The following SLC34A3 variants were observed in gnomAD, a reference collection of about 807,000 sequenced individuals.
The protein encoded by SLC34A3 is sodium-dependent phosphate transport protein 2C.
Under a neutral mutation model 43.9 loss-of-function variants are expected in SLC34A3, and 60 were observed. That is an observed-to-expected ratio of 1.37 (90% CI 1.11 to 1.70). The LOEUF (loss-of-function observed/expected upper bound fraction) is 1.70, where lower values mean the gene tolerates loss of function less well. Ranked by LOEUF, SLC34A3 falls within the 40% of genes most tolerant of loss-of-function variation. SLC34A3 has a pLI of 0.00. For missense variants in SLC34A3, 969 were observed against 823.8 expected (o/e 1.18, Z -2.16); for synonymous variants, 451 against 386.2 (o/e 1.17, Z -1.97).
At position 137,232,271 on chromosome 9, in the gene SLC34A3, C is replaced by T. The variant is rs906687411; in HGVS notation, c.175+110C>T. On this transcript the variant is annotated intron_variant, in intron 3 of 12. Transcript: ENST00000673835. The stretch of plus-strand genomic sequence containing the variant: ...CCAAACAGGCTGTGTGTGGGGAACT[C>T]CGCCATGCAGGCCCCCTCTGGGGAG... 16 of 1,097,588 alleles carry T rather than the reference C, an allele frequency of 1.5e-5. No homozygotes were observed. The East Asian group carries it at 3.8e-4, about 26-fold the overall frequency. 68.0% of individuals were successfully genotyped at this position (1,097,588 alleles called of 1,614,324 possible). A position where few individuals can be genotyped will look rare whatever the true frequency, so the allele number is the denominator to read the frequency against.
chr9:137,233,877 C>T lies in SLC34A3; in HGVS notation c.861C>T (p.Ser287=). 6.2e-7 allele frequency: 1 copy of T among 1,607,866 alleles called. No homozygotes were observed. Among genetic ancestry groups the T allele is most frequent in the Non-Finnish European group, 8.5e-7 (1 of 1,178,504 alleles). The change falls in exon 9 of 13, where the codon AGC becomes AGT. Residue 287 remains serine (S), a synonymous_variant. Transcript: ENST00000673835. ...GTTGQPTQEN[S]SCGAFGPCTE... The stretch of plus-strand genomic sequence containing the variant: ...GCCCTCCCCAGACCCAGGAGAACAG[C>T]AGCTGTGGCGCCTTCGGCCCGTGCA...
chr9:137,232,127 C>A lies in SLC34A3; in HGVS notation c.141C>A (p.Leu47=). The A allele has an allele frequency of 6.2e-7, 1 of 1,613,156 alleles. No individual in the cohort carries two copies. The change falls in exon 3 of 13, where the codon CTC becomes CTA. Residue 47 remains leucine, a synonymous_variant. Coordinates refer to ENST00000673835, the MANE Select transcript of SLC34A3 (RefSeq NM_001177316.2). ...LEEGDTDPWT[L]PQLKDTSQPW... is the part of the protein sequence containing the mutation. ...AAGGGGACACAGACCCCTGGACCCTCCCTCAGCTGAAGGACACAAGCCAGC... is the reference window on the plus strand; with the variant it reads ...AAGGGGACACAGACCCCTGGACCCTACCTCAGCTGAAGGACACAAGCCAGC...
chr9:137,229,860 G>A (rs1443286384), upstream of SLC34A3, among the ~76,000 whole-genome samples: 1 of 152,138 alleles, frequency 6.6e-6, no homozygotes, highest in Non-Finnish European at 1.5e-5. Context: ...GCTGGGGCCA[G>A]ACTGTGGACA....
Position 137,234,002 on chromosome 9 carries a change from C to A in SLC34A3, c.925+61C>A, listed in dbSNP as rs1458616752. On this transcript the variant is annotated intron_variant, in intron 9 of 12. Coordinates refer to ENST00000673835, the MANE Select transcript of SLC34A3 (RefSeq NM_001177316.2). The surrounding 1 kb of genome is among the most constrained non-coding windows in gnomAD (Gnocchi z 6.9). ...CCACACTCCCCCTCACCGGCCCCTA[C>A]ATGGAGAGGAACAGCACAGCCCCGG... The A allele has an allele frequency of 1.3e-6, 2 of 1,498,098 alleles. No individual in the cohort carries two copies. The highest frequency in any genetic ancestry group is 2.8e-5 in the African/African-American group (2 of 71,380). The allele number at this position is 1,498,098 out of a possible 1,614,324, so 92.8% of individuals were successfully genotyped here. A position where few individuals can be genotyped will look rare whatever the true frequency, so the allele number is the denominator to read the frequency against.
chr9:137,236,074 G>C lies in SLC34A3; in HGVS notation c.1458G>C (p.Trp486Cys). The change falls in exon 13 of 13, where the codon TGG becomes TGC. Residue 486 changes from tryptophan (W) to cysteine (C), a missense_variant. Coordinates refer to ENST00000673835, the MANE Select transcript of SLC34A3 (RefSeq NM_001177316.2). ...HFGVVTARYR[W>C]VAGVYLLLGF... is the part of the protein sequence containing the mutation. ...GGGTGGTGACCGCCCGTTACCGCTG[G>C]GTGGCTGGGGTCTACCTGCTGCTCG... The C allele has an allele frequency of 6.2e-7, 1 of 1,612,498 alleles. No individual in the cohort carries two copies. The highest frequency in any genetic ancestry group is 1.1e-5 in the South Asian group (1 of 91,076).
At chr9:137,233,779 T>TTGCCCCCCCCCCCCC in intron 8 of SLC34A3, 57 bp downstream of exon 8, 4 of 1,445,776 alleles carry the variant, frequency 2.8e-6, no homozygotes, top group Middle Eastern at 2.1e-4. Flanking sequence ...TGCTGAGTCA[T>TTGCCCCCCCCCCCCC]CCCGCCCCAC....
chr9:137,236,270 C>G lies in SLC34A3; in HGVS notation c.1654C>G (p.Leu552Val), dbSNP rs1325624842. 1 of 1,544,192 alleles carries G rather than the reference C, an allele frequency of 6.5e-7. No individual in the cohort carries two copies. Among genetic ancestry groups the G allele is most frequent in the Non-Finnish European group, 8.7e-7 (1 of 1,147,352 alleles). Residue 552 changes from leucine to valine, a missense_variant, in exon 13 of 13, where the codon CTC becomes GTC. Coordinates refer to ENST00000673835, the MANE Select transcript of SLC34A3 (RefSeq NM_001177316.2). ...TGTCCGCCTGCGCTCCTGGGCCTGG[C>G]TCCCCGTCTGGCTCCATTCTCTGGA... ...LPVRLRSWAW[L>V]PVWLHSLEPW... is the part of the protein sequence containing the mutation.
At chr9:137,230,642 G>T (rs1036796457), upstream of SLC34A3, 1 of 152,170 alleles carries the variant, frequency 6.6e-6, no homozygotes, top group Non-Finnish European at 1.5e-5. Context: ...CAGTACCGAG[G>T]GCCGGTGCCC....
intron 12 of SLC34A3, among the ~76,000 whole-genome samples, 188 bp from the exon 13 acceptor site, chr9:137,235,764 G>A (rs1225182768): frequency 1.3e-5 from 2 of 152,200 alleles, no homozygotes; most frequent in Admixed American, 6.5e-5. Flanking sequence ...AGGAGCGTGC[G>A]GGAGGCGTGC....
chr9:137,232,624 G>A lies in SLC34A3; in HGVS notation c.225G>A (p.Lys75=), dbSNP rs1836291852. ...GCCGCGTGGCCGGCAGCGTCCTCAA[G>A]GCCTGCGGGCTCCTCGGCAGCCTGT... ...RLRRVAGSVL[K]ACGLLGSLYF... is the part of the protein sequence containing the mutation. Residue 75 remains lysine, a synonymous_variant, in exon 4 of 13, where the codon AAG becomes AAA. Coordinates refer to ENST00000673835, the MANE Select transcript of SLC34A3 (RefSeq NM_001177316.2). 9 of 1,612,532 alleles carry A rather than the reference G, an allele frequency of 5.6e-6. No homozygotes were observed. Among genetic ancestry groups the A allele is most frequent in the Non-Finnish European group, 7.6e-6 (9 of 1,179,788 alleles).
intron 1 of SLC34A3, 121 bp from the exon 2 acceptor site, chr9:137,231,543 G>A (rs1048890424): frequency 1.4e-4 from 102 of 706,762 alleles, no homozygotes; most frequent in South Asian, 7.3e-4. Flanking sequence ...CCTGCAGGGC[G>A]TAGAGAGGGA....
intron 2 of SLC34A3, 32 bp downstream of exon 2, chr9:137,231,819 C>T (rs756246162): frequency 1.3e-6 from 2 of 1,559,404 alleles, no homozygotes; most frequent in African/African-American, 1.4e-5. Flanking sequence ...CAGGCCTTCA[C>T]CAGTCTGACC....
chr9:137,232,735 C>T (rs777729650), intron 4 of SLC34A3, 32 bp downstream of exon 4: 19 of 1,612,780 alleles, frequency 1.2e-5, no homozygotes, highest in African/African-American at 4.0e-5. Flanking sequence ...CAGGGCGGGG[C>T]GGGCAACCAG....
intron 3 of SLC34A3, 81 bp downstream of exon 3, chr9:137,232,242 C>G: frequency 7.3e-7 from 1 of 1,366,796 alleles, no homozygotes; most frequent in Non-Finnish European, 1.0e-6. Flanking sequence ...AGGGTGGGGC[C>G]TGCCCAAACA....
At position 137,233,390 on chromosome 9, in the gene SLC34A3, C is replaced by T. The variant is rs1342735379; in HGVS notation, c.742C>T (p.His248Tyr). ...CAAGGTGCTGACGAAGCCGCTCACACACCTCATCGTGCAGGTGAGGACGGC... is the reference window on the plus strand; with the variant it reads ...CAAGGTGCTGACGAAGCCGCTCACATACCTCATCGTGCAGGTGAGGACGGC... Reference protein sequence around the residue: ...ILKVLTKPLTHLIVQLDSDMI... With the variant: ...ILKVLTKPLTYLIVQLDSDMI... Residue 248 changes from histidine (H) to tyrosine (Y), a missense_variant, in exon 7 of 13, where the codon CAC (histidine) becomes TAC (tyrosine). His to Tyr is a moderately conservative substitution (Grantham distance 83, BLOSUM62 2). Transcript: ENST00000673835. 6.2e-7 allele frequency: 1 copy of T among 1,604,496 alleles called. No homozygotes were observed. The highest frequency in any genetic ancestry group is 8.5e-7 in the Non-Finnish European group (1 of 1,177,262).
rs773353999 is a variant in SLC34A3 at position 137,234,154 on chromosome 9, G to A, written c.971G>A (p.Gly324Asp). Reference sequence around the variant, plus strand: ...ACGGAGCTCACGGACCTGGCCGTGGGCTGCATCCTGCTGGCCGGCTCCCTG... The same window carrying A: ...ACGGAGCTCACGGACCTGGCCGTGGACTGCATCCTGCTGGCCGGCTCCCTG... ...AGTELTDLAV[G>D]CILLAGSLLV... Residue 324 changes from glycine to aspartate, a missense_variant, in exon 10 of 13, where the codon GGC becomes GAC. Coordinates refer to ENST00000673835, the MANE Select transcript of SLC34A3 (RefSeq NM_001177316.2). The surrounding 1 kb of genome is among the most constrained non-coding windows in gnomAD (Gnocchi z 6.9). 2.5e-6 allele frequency: 4 copies of A among 1,600,630 alleles called. No homozygotes were observed.
In SLC34A3 at chr9:137,234,272, T is replaced by C. The variant is rs760168788; in HGVS notation, c.1089T>C (p.Asn363=). ...RVAQVVRTVI[N]ADFPFPLGWL... is the part of the protein sequence containing the mutation. ...CCCAGGTCGTGAGGACAGTCATCAATGCGGGTGAGGGCGTGGGAGGAGGTG... is the reference window on the plus strand; with the variant it reads ...CCCAGGTCGTGAGGACAGTCATCAACGCGGGTGAGGGCGTGGGAGGAGGTG... The change falls in exon 10 of 13, where the codon AAT becomes AAC. Residue 363 remains asparagine, a synonymous_variant. Transcript: ENST00000673835. The surrounding 1 kb of genome is among the most constrained non-coding windows in gnomAD (Gnocchi z 6.9). The C allele has an allele frequency of 8.1e-6, 13 of 1,610,702 alleles. No homozygotes were observed. In the Admixed American group the frequency reaches 1.3e-4, roughly 17 times the overall value.
chr9:137,233,783 G>GCCCCCCCCCCCCC, intron 8 of SLC34A3, 61 bp downstream of exon 8: 6 of 693,574 alleles, frequency 8.7e-6, no homozygotes, highest in Admixed American at 3.9e-5. Context: ...GAGTCATCCC[G>GCCCCCCCCCCCCC]CCCCACCCAC....
At chr9:137,232,499 C>T in intron 3 of SLC34A3, 76 bp from the exon 4 acceptor site, 1 of 1,582,588 alleles carries the variant, frequency 6.3e-7, no homozygotes, top group Non-Finnish European at 8.6e-7. Flanking sequence ...AGAGAGGGGG[C>T]AGAGAATGAG....
Sources: allele counts gnomAD v4.1 joint callset (sites outside exome capture counted in the v4.1 genomes callset), GRCh38; gene constraint gnomAD v4.1.1; non-coding constraint Gnocchi (gnomAD v3.1); transcripts MANE v1.5; gene names NCBI Gene and HGNC (gene_info 2026-07-23, HGNC 2026-07-21).